Variants in SYK observed in about 807,000 individuals in gnomAD.
SYK encodes spleen associated tyrosine kinase.
Under a neutral mutation model 77.8 loss-of-function variants are expected in SYK, and 16 were observed. The observed-to-expected ratio is 0.21, with a 90% CI of 0.14 to 0.31. The LOEUF is 0.31. Among genes scored for constraint, SYK ranks in the 10% least tolerant of loss-of-function variants. SYK has a pLI of 1.00. For synonymous variants in SYK, 312 were observed against 308.7 expected (o/e 1.01, Z -0.11); for missense variants, 529 against 814.4 (o/e 0.65, Z 4.26).
intron 11 of SYK, among the ~76,000 whole-genome samples, chr9:90,885,534 G>A (rs1587920598): frequency 6.6e-6 from 1 of 152,110 alleles, no homozygotes; most frequent in East Asian, 1.9e-4. Flanking sequence ...TGATATATGG[G>A]GCAGTGTAAA....
In SYK at chr9:90,884,486, CAT is replaced by C. The variant is rs1442653561; in HGVS notation, c.1582-3261_1582-3260del. Among the ~76,000 whole-genome samples, 14 of 18,846 alleles carry C rather than the reference CAT, an allele frequency of 7.4e-4. 6 individuals carry two copies. The Admixed American group carries it at 7.8e-3, about 11-fold the overall frequency. 12.4% of individuals were successfully genotyped at this position (18,846 alleles called of 152,430 possible). On this transcript the variant is annotated intron_variant, in intron 11 of 13. Transcript: ENST00000375754. ...ATGTGTGTACATATACATACACACACATACACATATGTGTACATGTACATACA... is the reference window on the plus strand; with the variant it reads ...ATGTGTGTACATATACATACACACACACACATATGTGTACATGTACATACA...
chr9:90,875,356 T>C (rs952663861), intron 9 of SYK, among the ~76,000 whole-genome samples: 1 of 152,164 alleles, frequency 6.6e-6, no homozygotes, highest in Non-Finnish European at 1.5e-5. Context: ...TGAGCCATGA[T>C]TGCACCACTG....
intron 1 of SYK, 28 bp from the exon 2 acceptor site, chr9:90,843,830 C>T (rs2118626727): frequency 7.1e-7 from 1 of 1,407,750 alleles, no homozygotes; most frequent in South Asian, 1.6e-5. Context: ...GGGTCCTCAC[C>T]AAAGTTCTCT....
chr9:90,881,679 C>CCAAAA (rs1828160770), intron 11 of SYK, among the ~76,000 whole-genome samples: 1 of 89,426 alleles, frequency 1.1e-5, no homozygotes, highest in African/African-American at 5.5e-5. Flanking sequence ...GACTCTGTCT[C>CCAAAA]AAAAAAAAAA....
chr9:90,892,499 C>T (rs1203561027), intron 13 of SYK, among the ~76,000 whole-genome samples: 1 of 152,218 alleles, frequency 6.6e-6, no homozygotes, highest in Non-Finnish European at 1.5e-5. Flanking sequence ...CCCAATCTGG[C>T]ATATTTTGGG....
intron 1 of SYK, among the ~76,000 whole-genome samples, chr9:90,820,587 G>A (rs1261995879): frequency 6.6e-6 from 1 of 152,124 alleles, no homozygotes; most frequent in African/African-American, 2.4e-5. Flanking sequence ...TGGGACACAG[G>A]GCACCAAGTC....
chr9:90,862,051 G>A (rs563429114), intron 3 of SYK, among the ~76,000 whole-genome samples, 155 bp from the exon 4 acceptor site: 1 of 152,300 alleles, frequency 6.6e-6, no homozygotes, highest in South Asian at 2.1e-4. Flanking sequence ...TAAAGCCCTT[G>A]ACCCTGAGGC....
intron 12 of SYK, 152 bp downstream of exon 12, chr9:90,888,041 A>C (rs1355559798): frequency 1.0e-6 from 1 of 988,948 alleles, no homozygotes. Context: ...TTCCAAACTG[A>C]GAATGAAATA....
At chr9:90,836,958 A>G (rs549829621) in intron 1 of SYK, among the ~76,000 whole-genome samples, 1 of 152,312 alleles carries the variant, frequency 6.6e-6, no homozygotes, top group East Asian at 1.9e-4. Flanking sequence ...TTGTAAACAT[A>G]TATTCTATTC....
chr9:90,842,456 G>A (rs562923570), intron 1 of SYK, among the ~76,000 whole-genome samples: 1 of 151,184 alleles, frequency 6.6e-6, no homozygotes, highest in Admixed American at 6.6e-5. Flanking sequence ...TGTGCGGTGT[G>A]TTTCATGTGT....
rs772133679 is a variant in SYK, at chr9:90,844,153, C to T, written c.255C>T (p.Pro85=). The T allele has an allele frequency of 6.5e-5, 105 of 1,614,074 alleles. No individual in the cohort carries two copies. Among genetic ancestry groups the T allele is most frequent in the Non-Finnish European group, 8.6e-5 (101 of 1,180,026 alleles). Residue 85 remains proline, a synonymous_variant, in exon 2 of 14, where the codon CCC becomes CCT. Coordinates refer to ENST00000375754, the MANE Select transcript of SYK (RefSeq NM_003177.7). ...AIAGGRTHAS[P]ADLCHYHSQE... is the part of the protein sequence containing the mutation. ...CCGGTGGCAGGACCCATGCCAGCCC[C>T]GCCGACCTCTGCCACTACCACTCCC...
chr9:90,820,679 G>C (rs1825480416), intron 1 of SYK, among the ~76,000 whole-genome samples: 1 of 152,170 alleles, frequency 6.6e-6, no homozygotes. Flanking sequence ...TCTGTGATAG[G>C]AGGGACTGCT....
chr9:90,852,321 A>T (rs1433778043), intron 3 of SYK, among the ~76,000 whole-genome samples: 2 of 152,184 alleles, frequency 1.3e-5, no homozygotes, highest in East Asian at 1.9e-4. Context: ...CTTGGTCTGG[A>T]GGAGGCTGTG....
chr9:90,896,247 T>A lies in SYK; in HGVS notation c.*647T>A. 1 of 232,928 alleles carries A rather than the reference T, an allele frequency of 4.3e-6. No homozygotes were observed. The highest frequency in any genetic ancestry group is 8.5e-6 in the Non-Finnish European group (1 of 118,014). The allele number at this position is 232,928 out of a possible 1,614,324, so 14.4% of individuals were successfully genotyped here. On this transcript the variant is annotated 3_prime_UTR_variant, in exon 14 of 14. Coordinates refer to ENST00000375754, the MANE Select transcript of SYK (RefSeq NM_003177.7). ...GATACTGCTTTTGCTGTCTCTGTTA[T>A]GAGATGGAAGACTTACATGTTTGTG...
At chr9:90,867,508 G>C (rs577674415) in intron 7 of SYK, among the ~76,000 whole-genome samples, 1 of 152,332 alleles carries the variant, frequency 6.6e-6, no homozygotes, top group African/African-American at 2.4e-5. Context: ...TATCATGTCC[G>C]AAAATCTTTT....
chr9:90,864,128 C>T (rs889100708), intron 4 of SYK, among the ~76,000 whole-genome samples: 4 of 152,186 alleles, frequency 2.6e-5, no homozygotes, highest in African/African-American at 9.7e-5. Flanking sequence ...ACTCCAGGGC[C>T]CCAGTGCTAT....
rs116893794 is a variant in SYK at position 90,805,846 on chromosome 9, T to C, written c.-42+3953T>C. On this transcript the variant is annotated intron_variant, in intron 1 of 13. Coordinates refer to ENST00000375754, the MANE Select transcript of SYK (RefSeq NM_003177.7). ...TGGTACTGCTTTGAGTTATGTCCTC[T>C]AGAATTCTCACTATTTCCTTATGAT... Among the ~76,000 whole-genome samples the C allele has an allele frequency of 3.2e-4, 48 of 152,358 alleles. 1 individual carries two copies. The East Asian group carries it at 9.1e-3, about 29-fold the overall frequency.
At chr9:90,891,303 G>A (rs916884357) in intron 13 of SYK, among the ~76,000 whole-genome samples, 2 of 151,834 alleles carry the variant, frequency 1.3e-5, no homozygotes, top group Non-Finnish European at 2.9e-5. Flanking sequence ...CCGCCACCAC[G>A]CCCAGCTAAT....
intron 11 of SYK, among the ~76,000 whole-genome samples, chr9:90,882,996 C>T (rs895649262): frequency 6.6e-6 from 1 of 152,166 alleles, no homozygotes; most frequent in Non-Finnish European, 1.5e-5. Context: ...AGGGATCACA[C>T]AGAGGCATTG....
Sources: allele counts gnomAD v4.1 joint callset (sites outside exome capture counted in the v4.1 genomes callset), GRCh38; gene constraint gnomAD v4.1.1; transcripts MANE v1.5; gene names NCBI Gene and HGNC (gene_info 2026-07-23, HGNC 2026-07-21).